The following NPLOC4 variants were observed in gnomAD, a reference collection of about 807,000 sequenced individuals.
NPLOC4 encodes NPL4 homolog, ubiquitin recognition factor.
NPLOC4 carries 18 observed loss-of-function variants against 80.6 expected under a neutral mutation model. The observed-to-expected ratio is 0.22, with a 90% CI of 0.15 to 0.33. The LOEUF is 0.33. NPLOC4 is among the 10% of genes least tolerant of loss of function. The pLI, the probability that NPLOC4 is intolerant of heterozygous loss-of-function variation, is 1.00. For missense variants in NPLOC4, 540 were observed against 786.1 expected (o/e 0.69, Z 3.74); for synonymous variants, 313 against 301.5 (o/e 1.04, Z -0.39).
intron 12 of NPLOC4, among the ~76,000 whole-genome samples, chr17:81,579,439 C>T (rs996781591): frequency 4.6e-5 from 7 of 152,134 alleles, no homozygotes; most frequent in Admixed American, 4.6e-4. Context: ...GACCCTCCTG[C>T]TGCCAGCCTC....
rs112947854 is a variant in NPLOC4 at position 81,605,068 on chromosome 17, G to A, written c.655-341C>T. ...GAGGTCAGGAGATCAAGACCATCCTGACCAACATGATGAAATCCCGTCTCT... is the reference window on the plus strand; with the variant it reads ...GAGGTCAGGAGATCAAGACCATCCTAACCAACATGATGAAATCCCGTCTCT... On this transcript the variant is annotated intron_variant, in intron 7 of 16. Transcript: ENST00000331134. 6.1e-3 allele frequency among the ~76,000 whole-genome samples: 926 copies of A among 151,076 alleles called. 6 individuals carry two copies. The highest frequency in any genetic ancestry group is 8.9e-3 in the Non-Finnish European group (605 of 67,726).
chr17:81,605,297 T>A (rs1018789535), intron 7 of NPLOC4, among the ~76,000 whole-genome samples: 118 of 145,114 alleles, frequency 8.1e-4, no homozygotes, highest in African/African-American at 1.1e-3. Flanking sequence ...AAAAAATAAA[T>A]AATAATAATA....
At chr17:81,561,148 G>C (rs995037051) in intron 16 of NPLOC4, among the ~76,000 whole-genome samples, 8 of 152,034 alleles carry the variant, frequency 5.3e-5, no homozygotes, top group Admixed American at 3.9e-4. Flanking sequence ...TAGTAGAGAT[G>C]GGTTTTCACC....
At chr17:81,630,749 C>T (rs1598695554) in intron 1 of NPLOC4, among the ~76,000 whole-genome samples, 1 of 152,228 alleles carries the variant, frequency 6.6e-6, no homozygotes, top group Non-Finnish European at 1.5e-5. Flanking sequence ...TGGTGGCGTA[C>T]GCCTATGGTC....
intron 12 of NPLOC4, chr17:81,573,363 GC>G (rs997185993): frequency 3.9e-5 from 6 of 152,302 alleles, no homozygotes; most frequent in African/African-American, 1.4e-4. Context: ...ATGTCAGGAA[GC>G]CCCGCTGTCT....
chr17:81,584,007 G>A (rs2034510335), intron 12 of NPLOC4, among the ~76,000 whole-genome samples: 1 of 152,170 alleles, frequency 6.6e-6, no homozygotes, highest in Non-Finnish European at 1.5e-5. Flanking sequence ...CTATCCCAGA[G>A]TCCAGCTGTA....
At chr17:81,592,321 G>A (rs1445494775) in intron 11 of NPLOC4, among the ~76,000 whole-genome samples, 1 of 152,124 alleles carries the variant, frequency 6.6e-6, no homozygotes, top group Non-Finnish European at 1.5e-5. Flanking sequence ...CTTTACTTGA[G>A]TTAGAAAACC....
intron 12 of NPLOC4, among the ~76,000 whole-genome samples, chr17:81,584,192 C>CT (rs1175783384): frequency 6.6e-6 from 1 of 152,212 alleles, no homozygotes; most frequent in African/African-American, 2.4e-5. Flanking sequence ...TCAATGTTTG[C>CT]TTTTACAGTT....
intron 12 of NPLOC4, among the ~76,000 whole-genome samples, chr17:81,576,113 A>C (rs2034292650): frequency 6.6e-6 from 1 of 152,248 alleles, no homozygotes; most frequent in Non-Finnish European, 1.5e-5. Flanking sequence ...GGAGACACAG[A>C]TACCTTGTTT....
intron 12 of NPLOC4, among the ~76,000 whole-genome samples, chr17:81,586,571 C>A (rs2098278384): frequency 6.7e-6 from 1 of 148,440 alleles, no homozygotes; most frequent in African/African-American, 2.5e-5. Flanking sequence ...GATCGCGCCA[C>A]TGTACTCCAG....
In NPLOC4 at chr17:81,557,348, T is replaced by C. The variant is rs2033672444; in HGVS notation, c.*1911A>G. 6.6e-6 allele frequency: 1 copy of C among 152,438 alleles called. No individual in the cohort carries two copies. Among genetic ancestry groups the C allele is most frequent in the Non-Finnish European group, 1.5e-5 (1 of 68,044 alleles). The allele number at this position is 152,438 out of a possible 1,614,324, so 9.4% of individuals were successfully genotyped here. A position where few individuals can be genotyped will look rare whatever the true frequency, so the allele number is the denominator to read the frequency against. ...TAACTCAAAACCAGAATCAGACAAATCGCCAATGCTTTTCCTTTAGCTAAA... is the reference window on the plus strand; with the variant it reads ...TAACTCAAAACCAGAATCAGACAAACCGCCAATGCTTTTCCTTTAGCTAAA... On this transcript the variant is annotated 3_prime_UTR_variant, in exon 17 of 17. Coordinates refer to ENST00000331134, the MANE Select transcript of NPLOC4 (RefSeq NM_017921.4).
chr17:81,596,514 C>T (rs1190625498), intron 10 of NPLOC4, among the ~76,000 whole-genome samples: 1 of 151,966 alleles, frequency 6.6e-6, no homozygotes, highest in Admixed American at 6.6e-5. Flanking sequence ...TGTAGTGAGC[C>T]GAGATTGTGC....
Position 81,594,003 on chromosome 17 carries a change from G to A in NPLOC4, c.1120+2113C>T, listed in dbSNP as rs563677983. Among the ~76,000 whole-genome samples the A allele has an allele frequency of 1.6e-4, 25 of 152,294 alleles. No individual in the cohort carries two copies. The South Asian group carries it at 4.8e-3, about 29-fold the overall frequency. ...AATAAATCTGACTCGGCCGGGCGCAGTGGCTCACGCCTGTAATCCCAGCAC... is the reference window on the plus strand; with the variant it reads ...AATAAATCTGACTCGGCCGGGCGCAATGGCTCACGCCTGTAATCCCAGCAC... On this transcript the variant is annotated intron_variant, in intron 11 of 16. Transcript: ENST00000331134.
Position 81,580,908 on chromosome 17 carries a change from G to C in NPLOC4, c.1281+8036C>G, listed in dbSNP as rs1209390199. ...TCCCCGCTCAGCTCTGAAGGGCCCAGGGCCAGCCTCCCATGCCCACAGCTG... is the reference window on the plus strand; with the variant it reads ...TCCCCGCTCAGCTCTGAAGGGCCCACGGCCAGCCTCCCATGCCCACAGCTG... On this transcript the variant is annotated intron_variant, in intron 12 of 16. Transcript: ENST00000331134. The surrounding 1 kb of genome is among the most constrained non-coding windows in gnomAD (Gnocchi z 4.4). Among the ~76,000 whole-genome samples the C allele has an allele frequency of 6.6e-6, 1 of 152,214 alleles. No homozygotes were observed. The highest frequency in any genetic ancestry group is 6.5e-5 in the Admixed American group (1 of 15,286).
intron 7 of NPLOC4, 135 bp downstream of exon 7, chr17:81,606,556 G>C: frequency 1.1e-6 from 1 of 912,822 alleles, no homozygotes. Flanking sequence ...TCCACAAAAG[G>C]ATCATTCAGT....
chr17:81,586,486 T>G (rs1302292576), intron 12 of NPLOC4, among the ~76,000 whole-genome samples: 3 of 152,016 alleles, frequency 2.0e-5, no homozygotes, highest in African/African-American at 7.3e-5. Flanking sequence ...GGCACACATC[T>G]GTAGTCCCAA....
intron 5 of NPLOC4, 66 bp downstream of exon 5, chr17:81,610,144 C>A: frequency 1.4e-6 from 2 of 1,461,438 alleles, no homozygotes; most frequent in African/African-American, 1.4e-5. Context: ...AGGGCAAGCA[C>A]TTAAGACAGC....
At chr17:81,609,679 C>CT (rs2035293325) in intron 5 of NPLOC4, among the ~76,000 whole-genome samples, 1 of 152,196 alleles carries the variant, frequency 6.6e-6, no homozygotes, top group Non-Finnish European at 1.5e-5. Flanking sequence ...ACAAAACGCT[C>CT]TAAGTCAAAT....
At chr17:81,607,972 T>C (rs754499841) in intron 6 of NPLOC4, among the ~76,000 whole-genome samples, 7 of 152,344 alleles carry the variant, frequency 4.6e-5, no homozygotes, top group Non-Finnish European at 1.0e-4. Context: ...AGCCTGCTAC[T>C]TTCTGGTAGG....
Sources: gnomAD v4.1 joint callset for allele counts (sites outside exome capture counted in the v4.1 genomes callset) on GRCh38, gnomAD v4.1.1 for gene constraint, Gnocchi (gnomAD v3.1) non-coding constraint, MANE v1.5 for transcripts, NCBI Gene and HGNC (gene_info 2026-07-23, HGNC 2026-07-21) for gene names.